Variants in ASTL observed in about 807,000 individuals in gnomAD.
The protein encoded by ASTL is astacin like metalloendopeptidase, also known as astacin-like metalloendopeptidase.
In ASTL, 27 loss-of-function variants were observed where a neutral mutation model predicts 36.7. That is an observed-to-expected ratio of 0.73 (90% CI 0.54 to 1.01). ASTL has a LOEUF of 1.01. Ranked by LOEUF, ASTL falls within the 50% of genes least tolerant of loss-of-function variation. ASTL has a pLI of 0.00. For missense variants in ASTL, 524 were observed against 572.8 expected (o/e 0.91, Z 0.87); for synonymous variants, 222 against 228.1 (o/e 0.97, Z 0.24).
chr2:96,135,498 G>T, intron 2 of ASTL, 86 bp from the exon 3 acceptor site: 1 of 1,159,318 alleles, frequency 8.6e-7, no homozygotes, highest in Non-Finnish European at 1.3e-6. Context: ...ACTTACTTAA[G>T]TCTATTCTTG....
chr2:96,124,017 C>G lies in ASTL; in HGVS notation c.1129G>C (p.Gly377Arg). The G allele has an allele frequency of 1.9e-6, 3 of 1,614,048 alleles. No homozygotes were observed. The highest frequency in any genetic ancestry group is 2.5e-6 in the Non-Finnish European group (3 of 1,179,984). The change falls in exon 9 of 9, where the codon GGT becomes CGT. Residue 377 changes from glycine (G) to arginine (R), a missense_variant. Physicochemically the swap from Gly to Arg is moderately radical, Grantham distance 125. Coordinates refer to ENST00000342380, the MANE Select transcript of ASTL (RefSeq NM_001002036.4). This position sits in a 1 kb window ranked among gnomAD's most constrained non-coding sequence, Gnocchi z 4.1. ...ASSPRSRPGA[G>R]APGVAQEQSW... ...TGCTCCTGAGCAACACCGGGGGCAC[C>G]TGCTCCAGGCCTTGATCTTGGGGAG...
At chr2:96,137,484 C>T in intron 2 of ASTL, 91 bp downstream of exon 2, 1 of 1,463,244 alleles carries the variant, frequency 6.8e-7, no homozygotes, top group South Asian at 1.2e-5. Flanking sequence ...TCCATTTCCT[C>T]CCAGGCTCTG....
In ASTL at chr2:96,123,987, A is replaced by G. The variant is rs1271545736; in HGVS notation, c.1159T>C (p.Trp387Arg). The change falls in exon 9 of 9, where the codon TGG becomes CGG. Residue 387 changes from tryptophan to arginine, a missense_variant. Physicochemically the swap from Trp to Arg is moderately radical, Grantham distance 101. Coordinates refer to ENST00000342380, the MANE Select transcript of ASTL (RefSeq NM_001002036.4). ...GGCTTGGTGGACACTCCGGCCAGCCAGGACTGCTCCTGAGCAACACCGGGG... is the reference window on the plus strand; with the variant it reads ...GGCTTGGTGGACACTCCGGCCAGCCGGGACTGCTCCTGAGCAACACCGGGG... ...GAPGVAQEQSWLAGVSTKPTV... is the reference protein window; with the variant it reads ...GAPGVAQEQSRLAGVSTKPTV... 1.9e-6 allele frequency: 3 copies of G among 1,614,032 alleles called. No homozygotes were observed. In the Admixed American group the frequency reaches 5.0e-5, roughly 27 times the overall value.
chr2:96,133,351 T>C, intron 5 of ASTL, 74 bp downstream of exon 5: 1 of 1,084,254 alleles, frequency 9.2e-7, no homozygotes, highest in Non-Finnish European at 1.4e-6. Flanking sequence ...GAATACATTT[T>C]AGACAATGGC....
intron 8 of ASTL, among the ~76,000 whole-genome samples, chr2:96,125,804 T>C (rs537186389): frequency 6.6e-6 from 1 of 152,192 alleles, no homozygotes; most frequent in Admixed American, 6.5e-5. Context: ...GTAGCCAGCA[T>C]GGTGGTGCTC....
At chr2:96,130,252 T>C (rs1682148204) in intron 6 of ASTL, 107 bp from the exon 7 acceptor site, 2 of 842,728 alleles carry the variant, frequency 2.4e-6, no homozygotes, top group South Asian at 1.5e-5. Context: ...TCACCCAAGC[T>C]GAGGGGCTGA....
At chr2:96,125,331 T>G (rs143315609) in intron 8 of ASTL, among the ~76,000 whole-genome samples, 4 of 152,276 alleles carry the variant, frequency 2.6e-5, no homozygotes, top group African/African-American at 9.6e-5. Context: ...TCCCTACCTC[T>G]GGTGGCCTCA....
In ASTL at chr2:96,133,339, A is replaced by G. The variant is rs551081371; in HGVS notation, c.455+86T>C. On this transcript the variant is annotated intron_variant, in intron 5 of 8. Coordinates refer to ENST00000342380, the MANE Select transcript of ASTL (RefSeq NM_001002036.4). The stretch of plus-strand genomic sequence containing the variant: ...AGACTGAGCCCTGGAGGATGGGCCC[A>G]GGAATACATTTTAGACAATGGCCAA... 5.1e-6 allele frequency: 5 copies of G among 983,708 alleles called. No individual in the cohort carries two copies. In the South Asian group the frequency reaches 6.6e-5, roughly 13 times the overall value. The allele number at this position is 983,708 out of a possible 1,614,324, so 60.9% of individuals were successfully genotyped here.
chr2:96,125,732 T>C (rs536264650), intron 8 of ASTL, among the ~76,000 whole-genome samples: 3 of 152,216 alleles, frequency 2.0e-5, no homozygotes, highest in Admixed American at 2.0e-4. Flanking sequence ...CACTAGAGTT[T>C]GGGAGTTCAA....
At position 96,124,857 on chromosome 2, in the gene ASTL, C is replaced by T. The variant is rs1485861640; in HGVS notation, c.875-586G>A. ...ATCCCAGTTCCTCCTGCGCATGCAG[C>T]GAGGGCTTCACCAGGAGCCTCTTCC... On this transcript the variant is annotated intron_variant, in intron 8 of 8. Coordinates refer to ENST00000342380, the MANE Select transcript of ASTL (RefSeq NM_001002036.4). The surrounding 1 kb of genome is among the most constrained non-coding windows in gnomAD (Gnocchi z 4.1). Among the ~76,000 whole-genome samples, 1 of 152,140 alleles carries T rather than the reference C, an allele frequency of 6.6e-6. No individual in the cohort carries two copies. The highest frequency in any genetic ancestry group is 1.5e-5 in the Non-Finnish European group (1 of 68,016).
In ASTL at chr2:96,129,860, C is replaced by T. The variant is rs144062488; in HGVS notation, c.838G>A (p.Gly280Ser). 742 of 1,592,214 alleles carry T rather than the reference C, an allele frequency of 4.7e-4. No individual in the cohort carries two copies. Among genetic ancestry groups the T allele is most frequent in the Non-Finnish European group, 5.7e-4 (664 of 1,166,048 alleles). ...GGCCTGGGGCCACTTGGGCTGCAGC[C>T]GTAGAGTTTGAGGACCCGGGTGATG... ...SDITRVLKLY[G>S]CSPSGPRPRG... Residue 280 changes from glycine to serine, a missense_variant, in exon 8 of 9, where the codon GGC (glycine) becomes AGC (serine). Coordinates refer to ENST00000342380, the MANE Select transcript of ASTL (RefSeq NM_001002036.4).
At position 96,124,384 on chromosome 2, in the gene ASTL, G is replaced by A. The variant is rs368674746; in HGVS notation, c.875-113C>T. ...CAGGAGTGGTGCCCACCCATGCCAC[G>A]GCCTAGTGCATCCAAGACCCAGATT... On this transcript the variant is annotated intron_variant, in intron 8 of 8. Transcript: ENST00000342380. This position sits in a 1 kb window ranked among gnomAD's most constrained non-coding sequence, Gnocchi z 4.1. 2.0e-5 allele frequency: 19 copies of A among 936,198 alleles called. No homozygotes were observed. Among genetic ancestry groups the A allele is most frequent in the East Asian group, 5.9e-5 (2 of 33,668 alleles). The allele number at this position is 936,198 out of a possible 1,614,324, so 58.0% of individuals were successfully genotyped here.
chr2:96,132,236 G>A lies in ASTL; in HGVS notation c.637+304C>T, dbSNP rs1682194639. Among the ~76,000 whole-genome samples, 1 of 152,248 alleles carries A rather than the reference G, an allele frequency of 6.6e-6. No individual in the cohort carries two copies. The highest frequency in any genetic ancestry group is 2.4e-5 in the African/African-American group (1 of 41,464). On this transcript the variant is annotated intron_variant, in intron 6 of 8. Transcript: ENST00000342380. The surrounding 1 kb of genome is among the most constrained non-coding windows in gnomAD (Gnocchi z 5.4). ...TCAACAAGCAGGTATCATGGGCACT[G>A]CCTGCCCCATCGCCAGGGAGAGGAC...
At chr2:96,131,267 T>C (rs1046939420) in intron 6 of ASTL, among the ~76,000 whole-genome samples, 2 of 129,386 alleles carry the variant, frequency 1.5e-5, no homozygotes, top group African/African-American at 2.7e-5. Context: ...CTGTGAACCA[T>C]TGGCTTTTCT....
At chr2:96,133,708 G>C (rs573513762) in intron 4 of ASTL, 166 bp from the exon 5 acceptor site, 15 of 642,120 alleles carry the variant, frequency 2.3e-5, no homozygotes, top group Non-Finnish European at 4.1e-5. Flanking sequence ...CTGGCTGTGT[G>C]GCCTTGGGTA....
Position 96,132,426 on chromosome 2 carries a change from C to A in ASTL, c.637+114G>T. ...AGACCCCCACCTTCCCCACAGGAAGCAGGCAGGTGATGGGGAGGATGGATA... is the reference window on the plus strand; with the variant it reads ...AGACCCCCACCTTCCCCACAGGAAGAAGGCAGGTGATGGGGAGGATGGATA... On this transcript the variant is annotated intron_variant, in intron 6 of 8. Transcript: ENST00000342380. This position sits in a 1 kb window ranked among gnomAD's most constrained non-coding sequence, Gnocchi z 5.4. 2.2e-6 allele frequency: 2 copies of A among 927,360 alleles called. No homozygotes were observed. Among genetic ancestry groups the A allele is most frequent in the South Asian group, 1.9e-5 (1 of 53,886 alleles). The allele number at this position is 927,360 out of a possible 1,614,324, so 57.4% of individuals were successfully genotyped here.
chr2:96,124,797 C>T lies in ASTL; in HGVS notation c.875-526G>A, dbSNP rs1371141567. Reference sequence around the variant, plus strand: ...ACTCTTCCTCATTCAAGCCCATGTTCTCTGGCTGGCCCCAGCCCCTCAGCA... The same window carrying T: ...ACTCTTCCTCATTCAAGCCCATGTTTTCTGGCTGGCCCCAGCCCCTCAGCA... On this transcript the variant is annotated intron_variant, in intron 8 of 8. Transcript: ENST00000342380. The surrounding 1 kb of genome is among the most constrained non-coding windows in gnomAD (Gnocchi z 4.1). Among the ~76,000 whole-genome samples the T allele has an allele frequency of 6.6e-6, 1 of 152,180 alleles. No individual in the cohort carries two copies. The highest frequency in any genetic ancestry group is 1.5e-5 in the Non-Finnish European group (1 of 68,016).
At chr2:96,137,749 G>A in intron 1 of ASTL, 49 bp from the exon 2 acceptor site, 1 of 1,579,672 alleles carries the variant, frequency 6.3e-7, no homozygotes, top group Non-Finnish European at 8.6e-7. Flanking sequence ...GCACCCACCG[G>A]TGAGACCAGA....
intron 3 of ASTL, 66 bp from the exon 4 acceptor site, chr2:96,134,124 A>G: frequency 9.2e-7 from 1 of 1,082,130 alleles, no homozygotes; most frequent in Non-Finnish European, 1.4e-6. Context: ...CCCCAAGGGT[A>G]CCACACCCCA....
Sources: allele counts gnomAD v4.1 joint callset (sites outside exome capture counted in the v4.1 genomes callset), GRCh38; gene constraint gnomAD v4.1.1; non-coding constraint Gnocchi (gnomAD v3.1); transcripts MANE v1.5; gene names NCBI Gene and HGNC (gene_info 2026-07-23, HGNC 2026-07-21).